Variants in MYO10 observed in about 807,000 individuals in gnomAD.
The protein encoded by MYO10 is myosin X, also known as unconventional myosin-X.
In MYO10, 133 loss-of-function variants were observed where a neutral mutation model predicts 257.3. That is an observed-to-expected ratio of 0.52 (90% CI 0.45 to 0.60). The LOEUF is 0.60. Among genes scored for constraint, MYO10 ranks in the 20% least tolerant of loss-of-function variants. The probability of loss-of-function intolerance (pLI) is 0.00; values close to 1 mark genes in which losing one functional copy is unlikely to be tolerated. For missense variants in MYO10, 2,399 were observed against 2,635.7 expected (o/e 0.91, Z 1.97); for synonymous variants, 1,104 against 1,028.6 (o/e 1.07, Z -1.40).
In MYO10 at chr5:16,672,743, T is replaced by C; in HGVS notation, c.5255A>G (p.Asp1752Gly). 3 of 1,614,016 alleles carry C rather than the reference T, an allele frequency of 1.9e-6. No individual in the cohort carries two copies. The highest frequency in any genetic ancestry group is 2.5e-6 in the Non-Finnish European group (3 of 1,179,892). Residue 1752 changes from aspartate to glycine, a missense_variant, in exon 37 of 41, where the codon GAC becomes GGC. By Grantham distance (94) the Asp-to-Gly change is moderately conservative. Coordinates refer to ENST00000513610, the MANE Select transcript of MYO10 (RefSeq NM_012334.3). The stretch of plus-strand genomic sequence containing the variant: ...GACGGTTCGACTTTCAATGGCTTTG[T>C]CGACGTGGCCGTTGTATTCAAACAA... Reference protein sequence around the residue: ...FALFEYNGHVDKAIESRTVVA... With the variant: ...FALFEYNGHVGKAIESRTVVA...
At chr5:16,901,186 C>T (rs1039113943) in intron 1 of MYO10, among the ~76,000 whole-genome samples, 1 of 152,174 alleles carries the variant, frequency 6.6e-6, no homozygotes, top group Non-Finnish European at 1.5e-5. Flanking sequence ...ATTCTCACCC[C>T]AGCCTGTTGC....
At chr5:16,756,489 T>C (rs1006838433) in intron 18 of MYO10, among the ~76,000 whole-genome samples, 1 of 152,246 alleles carries the variant, frequency 6.6e-6, no homozygotes, top group Non-Finnish European at 1.5e-5. Context: ...TGTCTCTTTT[T>C]TCTTCTCATA....
chr5:16,724,192 A>AAT (rs1739265356), intron 19 of MYO10, among the ~76,000 whole-genome samples: 1 of 152,220 alleles, frequency 6.6e-6, no homozygotes, highest in Non-Finnish European at 1.5e-5. Context: ...GGAAACATAT[A>AAT]GAGTCTATAA....
At chr5:16,827,506 C>T (rs576657784) in intron 2 of MYO10, among the ~76,000 whole-genome samples, 2 of 152,246 alleles carry the variant, frequency 1.3e-5, no homozygotes, top group African/African-American at 4.8e-5. Flanking sequence ...AGGCTGGTCT[C>T]GAACTCCCGT....
At chr5:16,748,325 A>G (rs958720838) in intron 19 of MYO10, among the ~76,000 whole-genome samples, 19 of 151,986 alleles carry the variant, frequency 1.3e-4, no homozygotes, top group Non-Finnish European at 2.5e-4. Flanking sequence ...GCTCACTGCA[A>G]CCTACACCTC....
In MYO10 at chr5:16,732,639, A is replaced by G. The variant is rs75404689; in HGVS notation, c.1930-21394T>C. On this transcript the variant is annotated intron_variant, in intron 19 of 40. Coordinates refer to ENST00000513610, the MANE Select transcript of MYO10 (RefSeq NM_012334.3). ...ATTAAAATGCTAAAATAGCTGTGAA[A>G]CTCACTAAAGCACTTACACGATCAC... Among the ~76,000 whole-genome samples the G allele has an allele frequency of 3.3e-3, 507 of 152,208 alleles. 3 individuals are homozygous for G. Among genetic ancestry groups the G allele is most frequent in the African/African-American group, 0.012 (479 of 41,522 alleles).
Position 16,764,937 on chromosome 5 carries a change from C to G in MYO10, c.1180-541G>C, listed in dbSNP as rs1740821798. ...CTCCTGACCTCAGGTGATCTGCCCG[C>G]CTCAGCCTCTCAAAGTGCTGGGATT... On this transcript the variant is annotated intron_variant, in intron 11 of 40. Coordinates refer to ENST00000513610, the MANE Select transcript of MYO10 (RefSeq NM_012334.3). Among the ~76,000 whole-genome samples the G allele has an allele frequency of 3.3e-5, 5 of 152,138 alleles. No individual in the cohort carries two copies. In the South Asian group the frequency reaches 1.0e-3, roughly 32 times the overall value.
chr5:16,683,855 TG>T (rs1229682801), intron 30 of MYO10, 24 bp downstream of exon 30: 3 of 1,612,658 alleles, frequency 1.9e-6, no homozygotes. Flanking sequence ...GAGCTGTTTT[TG>T]TTAAGAGCCA....
At chr5:16,815,651 T>C (rs936097602) in intron 3 of MYO10, among the ~76,000 whole-genome samples, 3 of 152,244 alleles carry the variant, frequency 2.0e-5, no homozygotes, top group African/African-American at 4.8e-5. Flanking sequence ...GAAACTGCTA[T>C]GTAAACAAAT....
intron 9 of MYO10, 30 bp from the exon 10 acceptor site, chr5:16,769,233 T>G (rs773698414): frequency 1.2e-5 from 18 of 1,559,432 alleles, no homozygotes; most frequent in Non-Finnish European, 1.6e-5. Flanking sequence ...TTTAATTTTA[T>G]GTCGTTTTTT....
chr5:16,872,653 G>A (rs1744487162), intron 2 of MYO10, among the ~76,000 whole-genome samples: 1 of 152,148 alleles, frequency 6.6e-6, no homozygotes, highest in African/African-American at 2.4e-5. Context: ...TGCTGATAAA[G>A]ACATACCCAA....
chr5:16,866,901 G>A (rs1030927919), intron 2 of MYO10, among the ~76,000 whole-genome samples: 1 of 152,198 alleles, frequency 6.6e-6, no homozygotes, highest in East Asian at 1.9e-4. Context: ...CGCTCTTCCC[G>A]GGAACCTGGA....
chr5:16,863,383 AT>A (rs894900405), intron 2 of MYO10, among the ~76,000 whole-genome samples: 1 of 152,156 alleles, frequency 6.6e-6, no homozygotes, highest in African/African-American at 2.4e-5. Context: ...AATAAGCTGG[AT>A]TCACTTAAAG....
chr5:16,891,065 A>T (rs1745034326), intron 1 of MYO10, among the ~76,000 whole-genome samples: 1 of 151,610 alleles, frequency 6.6e-6, no homozygotes, highest in South Asian at 2.1e-4. Flanking sequence ...GGCGGATCAC[A>T]TGAGGTCAGG....
At position 16,663,518 on chromosome 5, in the gene MYO10, G is replaced by C. The variant is rs1480791305; in HGVS notation, c.*3174C>G. 1 of 151,460 alleles carries C rather than the reference G, an allele frequency of 6.6e-6. No individual in the cohort carries two copies. Among genetic ancestry groups the C allele is most frequent in the Non-Finnish European group, 1.5e-5 (1 of 67,970 alleles). The allele number at this position is 151,460 out of a possible 1,614,324, so 9.4% of individuals were successfully genotyped here. A position where few individuals can be genotyped will look rare whatever the true frequency, so the allele number is the denominator to read the frequency against. ...TCAGCCCTCAGTGTTCATGTGGTCT[G>C]AATCCAACCACAGATAGAAAATATT... On this transcript the variant is annotated 3_prime_UTR_variant, in exon 41 of 41. Transcript: ENST00000513610.
chr5:16,729,227 A>G (rs1343266527), intron 19 of MYO10, among the ~76,000 whole-genome samples: 1 of 152,208 alleles, frequency 6.6e-6, no homozygotes, highest in African/African-American at 2.4e-5. Flanking sequence ...ATGACGTACT[A>G]AACTTTCTCT....
chr5:16,777,839 C>CCTTTTTTTTTTTT lies in MYO10; in HGVS notation c.930+1705_930+1706insAAAAAAAAAAAAG, dbSNP rs1560979466. Among the ~76,000 whole-genome samples the CCTTTTTTTTTTTT allele has an allele frequency of 3.4e-4, 30 of 88,480 alleles. 5 individuals are homozygous for CCTTTTTTTTTTTT. The highest frequency in any genetic ancestry group is 9.7e-4 in the African/African-American group (18 of 18,636). 58.0% of individuals were successfully genotyped at this position (88,480 alleles called of 152,430 possible). On this transcript the variant is annotated intron_variant, in intron 9 of 40. Transcript: ENST00000513610. Reference sequence around the variant, plus strand: ...GCCACCCTAGGTGCATTGCATCTAACTTTTTTTTTTTTTTTTTTTTTTTTT... The same window carrying CCTTTTTTTTTTTT: ...GCCACCCTAGGTGCATTGCATCTAACCTTTTTTTTTTTTTTTTTTTTTTTTTTTTTTTTTTTTT...
intron 19 of MYO10, among the ~76,000 whole-genome samples, chr5:16,750,496 T>C (rs1376698045): frequency 6.6e-6 from 1 of 151,834 alleles, no homozygotes; most frequent in Non-Finnish European, 1.5e-5. Flanking sequence ...GTTCAAACAC[T>C]TGGCAAGGAG....
At chr5:16,865,475 G>A (rs763392870) in intron 2 of MYO10, among the ~76,000 whole-genome samples, 36 of 152,098 alleles carry the variant, frequency 2.4e-4, no homozygotes, top group Admixed American at 6.6e-5. Context: ...CCATACTTTC[G>A]AATGTGCTAT....
Sources: gnomAD v4.1 joint callset for allele counts (sites outside exome capture counted in the v4.1 genomes callset) on GRCh38, gnomAD v4.1.1 for gene constraint, MANE v1.5 for transcripts, NCBI Gene and HGNC (gene_info 2026-07-23, HGNC 2026-07-21) for gene names.